PPP2R2A: variants seen among roughly 807,000 people sequenced by gnomAD.
The protein encoded by PPP2R2A is serine/threonine-protein phosphatase 2A 55 kDa regulatory subunit B alpha isoform.
Under a neutral mutation model 53.2 loss-of-function variants are expected in PPP2R2A, and 9 were observed. The ratio of observed to expected loss-of-function variants is 0.17; its 90% confidence interval spans 0.10 to 0.30. PPP2R2A has a LOEUF of 0.30. PPP2R2A is among the 10% of genes least tolerant of loss of function. PPP2R2A has a pLI of 1.00. For synonymous variants in PPP2R2A, 169 were observed against 174.2 expected (o/e 0.97, Z 0.23); for missense variants, 235 against 534.6 (o/e 0.44, Z 5.53).
intron 9 of PPP2R2A, among the ~76,000 whole-genome samples, chr8:26,368,739 T>TGAG (rs1805511432): frequency 6.6e-6 from 1 of 152,090 alleles, no homozygotes; most frequent in African/African-American, 2.4e-5. Context: ...AGGTTGAGGT[T>TGAG]GTGGTTGCAG....
intron 3 of PPP2R2A, among the ~76,000 whole-genome samples, chr8:26,347,715 ATAT>A (rs559004323): frequency 9.6e-4 from 146 of 152,006 alleles, no homozygotes; most frequent in Non-Finnish European, 3.1e-4. Context: ...CTCTCCCACT[ATAT>A]TATTGTTTTT....
intron 2 of PPP2R2A, among the ~76,000 whole-genome samples, chr8:26,310,457 TTA>T (rs1802234664): frequency 7.3e-6 from 1 of 137,450 alleles, no homozygotes; most frequent in South Asian, 2.2e-4. Flanking sequence ...CAGTTTTGTA[TTA>T]TGTTTTTTTC....
chr8:26,314,844 T>C lies in PPP2R2A; in HGVS notation c.82+21104T>C, dbSNP rs912107199. Among the ~76,000 whole-genome samples the C allele has an allele frequency of 3.3e-5, 5 of 151,336 alleles. No homozygotes were observed. In the East Asian group the frequency reaches 7.7e-4, roughly 23 times the overall value. On this transcript the variant is annotated intron_variant, in intron 2 of 9. Transcript: ENST00000380737. Reference sequence around the variant, plus strand: ...TTTCATTTGTTCTTTCTGGAACTTATCTGGATCTTGGACTTTTTGTACTGG... The same window carrying C: ...TTTCATTTGTTCTTTCTGGAACTTACCTGGATCTTGGACTTTTTGTACTGG...
At chr8:26,337,307 C>A (rs377577045) in intron 2 of PPP2R2A, among the ~76,000 whole-genome samples, 5 of 152,052 alleles carry the variant, frequency 3.3e-5, no homozygotes, top group East Asian at 1.9e-4. Flanking sequence ...GCTGGACTTA[C>A]GAGAAAGAAT....
intron 8 of PPP2R2A, chr8:26,365,056 T>C (rs1281569405): frequency 6.6e-6 from 1 of 152,194 alleles, no homozygotes; most frequent in African/African-American, 2.4e-5. Context: ...AAGAATTGAT[T>C]TGAAGCTTAG....
chr8:26,331,450 TCA>T lies in PPP2R2A; in HGVS notation c.83-7435_83-7434del, dbSNP rs1424125689. On this transcript the variant is annotated intron_variant, in intron 2 of 9. Transcript: ENST00000380737. ...CTCTTGAAAGTAGTAGTGGTAAAAA[TCA>T]CACATTTTTATTGGGTACTTTTTCT... Among the ~76,000 whole-genome samples, 3 of 152,246 alleles carry T rather than the reference TCA, an allele frequency of 2.0e-5. No individual in the cohort carries two copies. The East Asian group carries it at 5.8e-4, about 29-fold the overall frequency.
At chr8:26,342,204 A>T (rs369752741) in intron 3 of PPP2R2A, among the ~76,000 whole-genome samples, 20 of 152,354 alleles carry the variant, frequency 1.3e-4, no homozygotes, top group South Asian at 1.0e-3. Context: ...GATTTCCCTG[A>T]TGTAATCACA....
chr8:26,312,064 CACTT>C (rs1802316408), intron 2 of PPP2R2A, among the ~76,000 whole-genome samples: 2 of 152,264 alleles, frequency 1.3e-5, no homozygotes, highest in South Asian at 2.1e-4. Flanking sequence ...TTCTTCTACT[CACTT>C]GTTTGTATGA....
chr8:26,360,146 ACTTTT>A lies in PPP2R2A; in HGVS notation c.347-18_347-14del, dbSNP rs763518398. The A allele has an allele frequency of 1.4e-5, 19 of 1,341,956 alleles. No homozygotes were observed. The highest frequency in any genetic ancestry group is 2.3e-4 in the Middle Eastern group (1 of 4,438). 83.1% of individuals were successfully genotyped at this position (1,341,956 alleles called of 1,614,324 possible). ...GTTTTTCTTCTTCAGTATTTTAAGG[ACTTTT>A]CTTTATTTTCTTCCCAGATAAAACA... is the stretch of plus-strand genomic sequence containing the variant. On this transcript the variant is annotated intron_variant, in intron 4 of 9. Transcript: ENST00000380737. This position sits in a 1 kb window ranked among gnomAD's most constrained non-coding sequence, Gnocchi z 4.5.
At position 26,360,988 on chromosome 8, in the gene PPP2R2A, G is replaced by A. The variant is rs1205180685; in HGVS notation, c.474G>A (p.Arg158=). ...TVTTLRVPVF[R]PMDLMVEASP... ...CTTATTGACAGGTGCCAGTCTTTAG[G>A]CCTATGGATCTAATGGTTGAGGCCA... is the stretch of plus-strand genomic sequence containing the variant. Residue 158 remains arginine, a synonymous_variant, in exon 6 of 10, where the codon AGG becomes AGA. Transcript: ENST00000380737. The surrounding 1 kb of genome is among the most constrained non-coding windows in gnomAD (Gnocchi z 4.5). 1.2e-6 allele frequency: 2 copies of A among 1,600,846 alleles called. No homozygotes were observed. The highest frequency in any genetic ancestry group is 2.3e-5 in the South Asian group (2 of 87,932).
chr8:26,309,415 T>C (rs1051919014), intron 2 of PPP2R2A, among the ~76,000 whole-genome samples: 2 of 152,144 alleles, frequency 1.3e-5, no homozygotes, highest in Non-Finnish European at 2.9e-5. Flanking sequence ...TTTTCTAGAG[T>C]ACAGGCAGAG....
intron 8 of PPP2R2A, chr8:26,365,723 AC>A (rs1805339399): frequency 6.6e-6 from 1 of 152,204 alleles, no homozygotes; most frequent in Non-Finnish European, 1.5e-5. Flanking sequence ...AATTCAAAAA[AC>A]AGGCACAGCT....
rs1563318884 is a variant in PPP2R2A, at chr8:26,354,401, G to T, written c.181-67G>T. On this transcript the variant is annotated intron_variant, in intron 3 of 9. Coordinates refer to ENST00000380737, the MANE Select transcript of PPP2R2A (RefSeq NM_002717.4). This position sits in a 1 kb window ranked among gnomAD's most constrained non-coding sequence, Gnocchi z 4.6. The stretch of plus-strand genomic sequence containing the variant: ...AGAATGTGCAGGGTCCTTTGGAATT[G>T]ATTACATATTTGATTATTTTGAAAT... 7.6e-7 allele frequency: 1 copy of T among 1,308,304 alleles called. No homozygotes were observed. The highest frequency in any genetic ancestry group is 1.0e-6 in the Non-Finnish European group (1 of 968,408). The allele number at this position is 1,308,304 out of a possible 1,614,324, so 81.0% of individuals were successfully genotyped here.
intron 8 of PPP2R2A, chr8:26,365,373 G>C (rs531735369): frequency 4.6e-5 from 7 of 151,962 alleles, no homozygotes; most frequent in African/African-American, 9.7e-5. Flanking sequence ...CTGTATTACA[G>C]ATTTTCACTT....
intron 2 of PPP2R2A, among the ~76,000 whole-genome samples, chr8:26,327,223 G>A (rs1185526472): frequency 6.6e-6 from 1 of 152,164 alleles, no homozygotes; most frequent in African/African-American, 2.4e-5. Context: ...GGTGTGCCCT[G>A]ACGTAAGGAA....
chr8:26,313,496 C>G (rs916224753), intron 2 of PPP2R2A, among the ~76,000 whole-genome samples: 2 of 152,178 alleles, frequency 1.3e-5, no homozygotes, highest in African/African-American at 4.8e-5. Flanking sequence ...CCAGTGTTCA[C>G]AGTTGTAGTA....
rs543990859 is a variant in PPP2R2A at position 26,293,697 on chromosome 8, T to G, written c.39T>G (p.Cys13Trp). The change falls in exon 2 of 10, where the codon TGT becomes TGG. Residue 13 changes from cysteine to tryptophan, a missense_variant. Coordinates refer to ENST00000380737, the MANE Select transcript of PPP2R2A (RefSeq NM_002717.4). ...GAGGGNDIQWCFSQVKGAVDD... is the reference protein window; with the variant it reads ...GAGGGNDIQWWFSQVKGAVDD... ...GAGGAGGGAATGATATTCAGTGGTG[T>G]TTTTCTCAGGTGAAAGGAGCAGTAG... The G allele has an allele frequency of 1.3e-5, 21 of 1,613,550 alleles. No individual in the cohort carries two copies. The highest frequency in any genetic ancestry group is 4.0e-5 in the African/African-American group (3 of 75,000).
At chr8:26,293,931 TTTA>T in intron 2 of PPP2R2A, 191 bp downstream of exon 2, 1 of 577,454 alleles carries the variant, frequency 1.7e-6, no homozygotes, top group Non-Finnish European at 3.0e-6. Context: ...ACGCCTTGTT[TTTA>T]TTATTTTTTC....
intron 1 of PPP2R2A, 96 bp from the exon 2 acceptor site, chr8:26,293,570 C>G: frequency 5.0e-6 from 6 of 1,190,376 alleles, no homozygotes; most frequent in Non-Finnish European, 7.2e-6. Context: ...CAGAACTAGG[C>G]TGTTAGTATC....
Sources: gnomAD v4.1 joint callset for allele counts (sites outside exome capture counted in the v4.1 genomes callset) on GRCh38, gnomAD v4.1.1 for gene constraint, Gnocchi (gnomAD v3.1) non-coding constraint, MANE v1.5 for transcripts, NCBI Gene and HGNC (gene_info 2026-07-23, HGNC 2026-07-21) for gene names.